Variants in MAST4 observed in about 807,000 individuals in gnomAD.
MAST4 encodes the protein microtubule-associated serine/threonine-protein kinase 4.
A neutral mutation model predicts 162.7 loss-of-function variants in MAST4; 89 were observed. The ratio of observed to expected loss-of-function variants is 0.55; its 90% CI spans 0.46 to 0.65. MAST4 has a LOEUF of 0.65. MAST4 is among the 30% of genes least tolerant of loss of function. The pLI, the probability that MAST4 is intolerant of heterozygous loss-of-function variation, is 0.00. For missense variants in MAST4, 3,153 were observed against 3,374.0 expected (o/e 0.93, Z 1.62); for synonymous variants, 1,479 against 1,361.1 (o/e 1.09, Z -1.91).
At chr5:67,134,802 G>T (rs1769412408) in intron 18 of MAST4, 114 bp downstream of exon 18, 2 of 861,282 alleles carry the variant, frequency 2.3e-6, no homozygotes, top group Admixed American at 2.6e-5. Flanking sequence ...TCAAACAGTT[G>T]AGCCAACAAA....
intron 4 of MAST4, among the ~76,000 whole-genome samples, chr5:66,975,257 T>A (rs1747987678): frequency 6.6e-6 from 1 of 152,126 alleles, no homozygotes; most frequent in Non-Finnish European, 1.5e-5. Flanking sequence ...GGAGAATATA[T>A]CTCTATTGTT....
intron 3 of MAST4, among the ~76,000 whole-genome samples, chr5:66,801,798 T>A (rs941570814): frequency 6.6e-6 from 1 of 152,230 alleles, no homozygotes; most frequent in South Asian, 2.1e-4. Flanking sequence ...ATTATGTTAA[T>A]TAGAATGTAA....
intron 4 of MAST4, among the ~76,000 whole-genome samples, chr5:66,993,526 T>C (rs1750275836): frequency 6.6e-6 from 1 of 152,084 alleles, no homozygotes; most frequent in African/African-American, 2.4e-5. Context: ...GAAAAACCAT[T>C]TATGTCTGCA....
chr5:66,918,931 T>C (rs902295274), intron 4 of MAST4, among the ~76,000 whole-genome samples: 1 of 152,100 alleles, frequency 6.6e-6, no homozygotes, highest in Non-Finnish European at 1.5e-5. Flanking sequence ...GGCGAAACCC[T>C]GTCTCTATTA....
At chr5:67,067,141 C>T (rs552223999) in intron 5 of MAST4, among the ~76,000 whole-genome samples, 19 of 152,308 alleles carry the variant, frequency 1.2e-4, no homozygotes, top group Admixed American at 5.9e-4. Flanking sequence ...GTAGAAACCT[C>T]CTTCTACTAT....
chr5:67,107,479 A>G (rs1765725659), intron 10 of MAST4, among the ~76,000 whole-genome samples: 1 of 152,244 alleles, frequency 6.6e-6, no homozygotes, highest in South Asian at 2.1e-4. Flanking sequence ...AGCTTCCTTC[A>G]GCCCTTTTGT....
chr5:67,087,169 A>C (rs964324856), intron 5 of MAST4, among the ~76,000 whole-genome samples: 1 of 152,178 alleles, frequency 6.6e-6, no homozygotes, highest in African/African-American at 2.4e-5. Context: ...TTTCTCTCCC[A>C]AAATTTCCTA....
chr5:67,083,917 G>A (rs1328705109), intron 5 of MAST4, among the ~76,000 whole-genome samples: 1 of 152,124 alleles, frequency 6.6e-6, no homozygotes, highest in Non-Finnish European at 1.5e-5. Context: ...CATCACTCTT[G>A]ACATTCACCA....
chr5:66,943,851 T>A (rs1743650928), intron 4 of MAST4, among the ~76,000 whole-genome samples: 2 of 152,116 alleles, frequency 1.3e-5, no homozygotes, highest in South Asian at 4.1e-4. Flanking sequence ...TAGAGCATGA[T>A]AAATGAAAGA....
intron 1 of MAST4, among the ~76,000 whole-genome samples, chr5:66,687,492 A>G (rs758827169): frequency 6.6e-6 from 1 of 151,768 alleles, no homozygotes; most frequent in Non-Finnish European, 1.5e-5. Context: ...ACATACATAT[A>G]TGTATATGTA....
At chr5:66,704,528 G>C (rs1299775470) in intron 1 of MAST4, among the ~76,000 whole-genome samples, 1 of 122,574 alleles carries the variant, frequency 8.2e-6, no homozygotes, top group African/African-American at 3.3e-5. Context: ...ACGGAGTCTC[G>C]CTCTGTCACC....
chr5:67,114,323 A>G, intron 12 of MAST4, 104 bp downstream of exon 12: 4 of 1,367,994 alleles, frequency 2.9e-6, no homozygotes, highest in Non-Finnish European at 4.0e-6. Context: ...TTTTGGCTCT[A>G]TCTATTGATA....
At chr5:66,894,253 C>A (rs1342687380) in intron 3 of MAST4, among the ~76,000 whole-genome samples, 2 of 152,190 alleles carry the variant, frequency 1.3e-5, no homozygotes, top group African/African-American at 4.8e-5. Flanking sequence ...AAACCACTTT[C>A]TCTCTAGATC....
intron 4 of MAST4, among the ~76,000 whole-genome samples, chr5:67,013,648 T>C (rs1041467074): frequency 2.0e-5 from 3 of 152,236 alleles, no homozygotes; most frequent in Non-Finnish European, 4.4e-5. Flanking sequence ...AATCACTGGA[T>C]CCATAGCTTA....
At chr5:66,865,213 C>G (rs1760420330) in intron 3 of MAST4, among the ~76,000 whole-genome samples, 1 of 152,180 alleles carries the variant, frequency 6.6e-6, no homozygotes, top group South Asian at 2.1e-4. Flanking sequence ...TTTGACATCT[C>G]AGATAGTTGG....
At chr5:66,710,769 C>G (rs927734554) in intron 1 of MAST4, among the ~76,000 whole-genome samples, 3 of 152,172 alleles carry the variant, frequency 2.0e-5, no homozygotes, top group Non-Finnish European at 4.4e-5. Flanking sequence ...TCTGGCATTG[C>G]TCCCAGGAGG....
chr5:66,724,642 A>G (rs1425116451), intron 1 of MAST4, among the ~76,000 whole-genome samples: 1 of 152,134 alleles, frequency 6.6e-6, no homozygotes, highest in East Asian at 1.9e-4. Context: ...CCTAGGCTAT[A>G]TGGTATAGCC....
chr5:66,731,488 A>G (rs970888830), intron 1 of MAST4, among the ~76,000 whole-genome samples: 3 of 149,520 alleles, frequency 2.0e-5, no homozygotes, highest in Admixed American at 6.6e-5. Context: ...GCTTATTTCT[A>G]AAACATACAT....
intron 2 of MAST4, among the ~76,000 whole-genome samples, chr5:66,766,032 G>A (rs947744122): frequency 6.6e-6 from 1 of 152,184 alleles, no homozygotes; most frequent in Non-Finnish European, 1.5e-5. Context: ...TGATGAGGAA[G>A]TGCAGCATTA....
Sources: allele counts gnomAD v4.1 joint callset (sites outside exome capture counted in the v4.1 genomes callset), GRCh38; gene constraint gnomAD v4.1.1; transcripts MANE v1.5; gene names NCBI Gene and HGNC (gene_info 2026-07-23, HGNC 2026-07-21).